LRP1B: variants seen among roughly 807,000 people sequenced by gnomAD.
LRP1B encodes low-density lipoprotein receptor-related protein 1B.
A neutral mutation model predicts 556.6 loss-of-function variants in LRP1B; 217 were observed. The observed-to-expected ratio is 0.39, with a 90% confidence interval of 0.35 to 0.44. The LOEUF (loss-of-function observed/expected upper bound fraction) is 0.44. LRP1B is among the 20% of genes least tolerant of loss of function. The pLI is 1.00. For missense variants in LRP1B, 5,053 were observed against 5,620.8 expected, an observed-to-expected ratio of 0.90 and a Z score of 3.23; for synonymous variants, 2,047 against 1,865.8, an observed-to-expected ratio of 1.10 and a Z score of -2.50.
chr2:141,628,287 T>A lies in LRP1B; in HGVS notation c.206-147754A>T, dbSNP rs117502750. 9.9e-5 allele frequency among the ~76,000 whole-genome samples: 15 copies of A among 152,280 alleles called. No homozygotes were observed. The East Asian group carries it at 2.9e-3, about 29-fold the overall frequency. ...GCTTGATTTGATGGATTAATAGAGA[T>A]GAAGGTAAACATTGTATTGGATTCA... On this transcript the variant is annotated intron_variant, in intron 2 of 90. Coordinates refer to ENST00000389484, the MANE Select transcript of LRP1B (RefSeq NM_018557.3).
chr2:140,518,784 C>G (rs983814165), intron 49 of LRP1B, among the ~76,000 whole-genome samples: 14 of 152,090 alleles, frequency 9.2e-5, no homozygotes, highest in African/African-American at 3.1e-4. Context: ...GATTTTGTAT[C>G]CTGAGACTTT....
intron 43 of LRP1B, among the ~76,000 whole-genome samples, chr2:140,556,663 C>T (rs1367513570): frequency 6.6e-6 from 1 of 151,924 alleles, no homozygotes; most frequent in Non-Finnish European, 1.5e-5. Context: ...AAAGACTTAC[C>T]TTCGTCCCTA....
intron 3 of LRP1B, among the ~76,000 whole-genome samples, chr2:141,433,287 C>T (rs1237069126): frequency 6.6e-6 from 1 of 151,878 alleles, no homozygotes; most frequent in Non-Finnish European, 1.5e-5. Flanking sequence ...TGTACCAAGG[C>T]TTATTTCATG....
chr2:141,229,259 T>G lies in LRP1B; in HGVS notation c.774A>C (p.Gln258His), dbSNP rs745505614. 1 of 1,611,668 alleles carries G rather than the reference T, an allele frequency of 6.2e-7. No individual in the cohort carries two copies. Among genetic ancestry groups the G allele is most frequent in the African/African-American group, 1.3e-5 (1 of 74,882 alleles). Residue 258 changes from glutamine to histidine, a missense_variant, in exon 6 of 91, where the codon CAA becomes CAC. By Grantham distance (24) the Gln-to-His change is conservative. This residue lies in a region of LRP1B where 3,619 missense variants were observed against 3,931.9 expected (regional missense o/e 0.92). Coordinates refer to ENST00000389484, the MANE Select transcript of LRP1B (RefSeq NM_018557.3). Reference sequence around the variant, plus strand: ...CTTTTGTTATCTGGATACATTTGAGTTGATTTGAAGATTCTCTTGATTCAA... The same window carrying G: ...CTTTTGTTATCTGGATACATTTGAGGTGATTTGAAGATTCTCTTGATTCAA... ...CWIESRESSN[Q>H]LKCIQITKAG...
chr2:140,445,632 A>G (rs16843963), intron 63 of LRP1B, among the ~76,000 whole-genome samples: 1 of 152,122 alleles, frequency 6.6e-6, no homozygotes, highest in African/African-American at 2.4e-5. Flanking sequence ...AATAATAATA[A>G]GGCAGGATCT....
chr2:141,080,853 T>C (rs1168729379), intron 7 of LRP1B, among the ~76,000 whole-genome samples: 1 of 152,206 alleles, frequency 6.6e-6, no homozygotes, highest in Admixed American at 6.5e-5. Flanking sequence ...TGCAGACCAT[T>C]GTTAGCAGTG....
At chr2:140,551,911 T>G (rs931908852) in intron 43 of LRP1B, among the ~76,000 whole-genome samples, 1 of 152,196 alleles carries the variant, frequency 6.6e-6, no homozygotes, top group African/African-American at 2.4e-5. Flanking sequence ...GTATTTCATG[T>G]GCAATACATA....
chr2:141,278,862 A>G (rs1357221782), intron 3 of LRP1B, among the ~76,000 whole-genome samples: 1 of 152,134 alleles, frequency 6.6e-6, no homozygotes, highest in Non-Finnish European at 1.5e-5. Flanking sequence ...CTTTCCTATT[A>G]TCTGTCTCTG....
chr2:140,986,940 T>C (rs937025468), intron 17 of LRP1B, among the ~76,000 whole-genome samples: 1 of 152,184 alleles, frequency 6.6e-6, no homozygotes, highest in African/African-American at 2.4e-5. Flanking sequence ...GCGGATTCAA[T>C]AACAAAGTAA....
chr2:141,715,615 G>C (rs146743282), intron 2 of LRP1B, among the ~76,000 whole-genome samples: 1,793 of 152,174 alleles, frequency 0.012, 20 homozygotes, highest in South Asian at 0.023. Flanking sequence ...AGGAGTTTGA[G>C]ACCAGCCTGA....
At chr2:140,488,473 T>C (rs1688568158) in intron 57 of LRP1B, among the ~76,000 whole-genome samples, 1 of 151,986 alleles carries the variant, frequency 6.6e-6, no homozygotes, top group Non-Finnish European at 1.5e-5. Flanking sequence ...ACAAATTCAA[T>C]TGATGGGTTT....
At chr2:142,027,016 A>C (rs1450082071) in intron 1 of LRP1B, among the ~76,000 whole-genome samples, 6 of 152,050 alleles carry the variant, frequency 3.9e-5, no homozygotes. Context: ...TGATCTATTC[A>C]CTTGTAGCAG....
At chr2:140,407,835 T>A (rs1228955795) in intron 66 of LRP1B, among the ~76,000 whole-genome samples, 2 of 151,876 alleles carry the variant, frequency 1.3e-5, no homozygotes, top group East Asian at 3.9e-4. Flanking sequence ...TGGGTACCTA[T>A]CCAAAAGAAA....
intron 3 of LRP1B, among the ~76,000 whole-genome samples, chr2:141,292,477 C>A (rs1223982525): frequency 6.6e-6 from 1 of 151,960 alleles, no homozygotes; most frequent in Non-Finnish European, 1.5e-5. Context: ...CTCACCAAAT[C>A]TAAAAAACAG....
chr2:141,095,323 T>C (rs990215471), intron 7 of LRP1B, among the ~76,000 whole-genome samples: 1 of 71,606 alleles, frequency 1.4e-5, no homozygotes, highest in Non-Finnish European at 3.8e-5. Flanking sequence ...ATGTCAGCCC[T>C]AAAAGTAAGC....
At chr2:141,610,119 A>G (rs2105320777) in intron 2 of LRP1B, among the ~76,000 whole-genome samples, 1 of 152,224 alleles carries the variant, frequency 6.6e-6, no homozygotes, top group East Asian at 1.9e-4. Context: ...TTTGAAATTG[A>G]CAATCCAAAA....
chr2:141,685,887 A>T (rs1231633845), intron 2 of LRP1B, among the ~76,000 whole-genome samples: 1 of 150,634 alleles, frequency 6.6e-6, no homozygotes, highest in Non-Finnish European at 1.5e-5. Flanking sequence ...TTTCATATAT[A>T]AAAAAAAATA....
chr2:140,633,944 C>G (rs1233106362), intron 41 of LRP1B, among the ~76,000 whole-genome samples: 1 of 152,118 alleles, frequency 6.6e-6, no homozygotes, highest in Non-Finnish European at 1.5e-5. Flanking sequence ...TCCTAGTCCA[C>G]TGGATGAGGC....
chr2:142,020,958 A>ATT (rs2105175854), intron 1 of LRP1B, among the ~76,000 whole-genome samples: 1 of 152,338 alleles, frequency 6.6e-6, no homozygotes, highest in South Asian at 2.1e-4. Context: ...AAGTTGCAAG[A>ATT]TCTACTTCCA....
Sources: allele counts gnomAD v4.1 joint callset (sites outside exome capture counted in the v4.1 genomes callset), GRCh38; gene constraint gnomAD v4.1.1; regional missense constraint gnomAD v4.1.1; transcripts MANE v1.5; gene names NCBI Gene and HGNC (gene_info 2026-07-23, HGNC 2026-07-21).